The following PLCG2 variants were observed in gnomAD, a reference collection of about 807,000 sequenced individuals.
PLCG2 encodes the protein phospholipase C gamma 2.
A neutral mutation model predicts 175.6 loss-of-function variants in PLCG2; 69 were observed. That is an observed-to-expected ratio of 0.39 (90% confidence interval 0.32 to 0.48). The LOEUF is 0.48. Among genes scored for constraint, PLCG2 ranks in the 20% least tolerant of loss-of-function variants. PLCG2 has a pLI of 0.91. For missense variants in PLCG2, 1,798 were observed against 1,650.9 expected, an observed-to-expected ratio of 1.09 and a Z score of -1.54; for synonymous variants, 827 against 624.0, an observed-to-expected ratio of 1.33 and a Z score of -4.85.
At chr16:81,876,634 C>G (rs1243529618) in intron 7 of PLCG2, among the ~76,000 whole-genome samples, 4 of 152,202 alleles carry the variant, frequency 2.6e-5, no homozygotes, top group Admixed American at 6.5e-5. Context: ...TTTAGTCACT[C>G]ATCCAGTAAA....
chr16:81,940,297 T>C (rs1910887553), intron 30 of PLCG2, among the ~76,000 whole-genome samples: 2 of 152,126 alleles, frequency 1.3e-5, no homozygotes, highest in South Asian at 4.1e-4. Flanking sequence ...AAAACTGGAT[T>C]GTTAGTGGAT....
At position 81,961,132 on chromosome 16, in the gene PLCG2, G is replaced by GTTCCTC. The variant is rs1911763533; in HGVS notation, c.*3134_*3135insTTCCTC. ...TGCTTTCAACAAAGTGGGAGGAACAGCCTGTAGATTTCTGAGTCTCTTAGC... is the reference window on the plus strand; with the variant it reads ...TGCTTTCAACAAAGTGGGAGGAACAGTTCCTCCCTGTAGATTTCTGAGTCTCTTAGC... On this transcript the variant is annotated 3_prime_UTR_variant, in exon 33 of 33. Coordinates refer to ENST00000564138, the MANE Select transcript of PLCG2 (RefSeq NM_002661.5). 1.3e-5 allele frequency: 3 copies of GTTCCTC among 231,068 alleles called. No homozygotes were observed. Among genetic ancestry groups the GTTCCTC allele is most frequent in the African/African-American group, 6.6e-5 (3 of 45,270 alleles). 14.3% of individuals were successfully genotyped at this position (231,068 alleles called of 1,614,324 possible).
intron 10 of PLCG2, 87 bp from the exon 11 acceptor site, chr16:81,891,384 TC>T (rs1567518838): frequency 5.0e-6 from 4 of 793,144 alleles, no homozygotes; most frequent in South Asian, 1.4e-5. Context: ...GAGCTGTTCT[TC>T]CCCCCTGGTG....
At chr16:81,911,386 CTG>C (rs1266082776) in intron 18 of PLCG2, among the ~76,000 whole-genome samples, 2 of 152,164 alleles carry the variant, frequency 1.3e-5, no homozygotes, top group Non-Finnish European at 2.9e-5. Context: ...GTGGCAATAA[CTG>C]TGCCTCCCTG....
Position 81,870,925 on chromosome 16 carries a change from A to T in PLCG2, c.638A>T (p.Gln213Leu). 6 of 1,573,800 alleles carry T rather than the reference A, an allele frequency of 3.8e-6. No individual in the cohort carries two copies. The highest frequency in any genetic ancestry group is 5.2e-6 in the Non-Finnish European group (6 of 1,148,592). Residue 213 changes from glutamine to leucine, a missense_variant, in exon 7 of 33, where the codon CAG becomes CTG. Transcript: ENST00000564138. ...TTCTATAAAAAACTTATGTTTGAAC[A>T]GCAAAAATCGGTAAGATGATTCTTG... ...HLFYKKLMFE[Q>L]QKSILDEFKK...
chr16:81,823,093 G>A (rs1450319498), intron 2 of PLCG2, among the ~76,000 whole-genome samples: 1 of 152,268 alleles, frequency 6.6e-6, no homozygotes, highest in Non-Finnish European at 1.5e-5. Flanking sequence ...TTATAAAGCA[G>A]GCGAGGCCTA....
intron 7 of PLCG2, among the ~76,000 whole-genome samples, chr16:81,879,410 G>C (rs1240895768): frequency 6.6e-6 from 1 of 152,148 alleles, no homozygotes; most frequent in Non-Finnish European, 1.5e-5. Flanking sequence ...TGCCTAAAAA[G>C]GCTAAGTTTG....
At chr16:81,772,319 C>T (rs77373168) in intron 2 of PLCG2, among the ~76,000 whole-genome samples, 3,852 of 152,208 alleles carry the variant, frequency 0.025, 146 homozygotes, top group African/African-American at 0.088. Flanking sequence ...AGGCGTGGGG[C>T]AGATTCTCAC....
chr16:81,803,598 C>CCTTTT lies in PLCG2; in HGVS notation c.193+17433_193+17437dup, dbSNP rs760727597. On this transcript the variant is annotated intron_variant, in intron 2 of 32. Coordinates refer to ENST00000564138, the MANE Select transcript of PLCG2 (RefSeq NM_002661.5). ...TTTCCTTTCCTTTCTTTTCTTTTCT[C>CCTTTT]CTTTTCTTTTCTTTTCTTTTCCTTT... 7.3e-4 allele frequency among the ~76,000 whole-genome samples: 44 copies of CCTTTT among 60,148 alleles called. 2 individuals are homozygous for CCTTTT. The highest frequency in any genetic ancestry group is 0.013 in the Middle Eastern group (1 of 80). The allele number at this position is 60,148 out of a possible 152,430, so 39.5% of individuals were successfully genotyped here. A position where few individuals can be genotyped will look rare whatever the true frequency, so the allele number is the denominator to read the frequency against.
chr16:81,899,033 CA>C (rs1465706696), intron 13 of PLCG2, among the ~76,000 whole-genome samples: 1 of 151,796 alleles, frequency 6.6e-6, no homozygotes, highest in Non-Finnish European at 1.5e-5. Flanking sequence ...AGTAAAAATA[CA>C]AAAAATTAAC....
intron 25 of PLCG2, among the ~76,000 whole-genome samples, chr16:81,933,533 G>A (rs1158967153): frequency 6.6e-6 from 1 of 151,722 alleles, no homozygotes; most frequent in Non-Finnish European, 1.5e-5. Flanking sequence ...GGCTTGAGGG[G>A]TGACAGCTGC....
chr16:81,831,852 C>T (rs571009544), intron 2 of PLCG2, among the ~76,000 whole-genome samples: 80 of 152,340 alleles, frequency 5.3e-4, no homozygotes, highest in African/African-American at 1.8e-3. Flanking sequence ...CATCCCCCAA[C>T]TTTGGTTTGC....
chr16:81,761,664 A>G (rs1297846125), intron 2 of PLCG2, among the ~76,000 whole-genome samples: 1 of 152,160 alleles, frequency 6.6e-6, no homozygotes, highest in Non-Finnish European at 1.5e-5. Context: ...GAGTTAACAG[A>G]CATAAGGCTT....
intron 25 of PLCG2, among the ~76,000 whole-genome samples, chr16:81,933,271 C>T (rs1910578637): frequency 6.6e-6 from 1 of 152,148 alleles, no homozygotes; most frequent in African/African-American, 2.4e-5. Flanking sequence ...ACGGAGTTCC[C>T]ACACTGGGCA....
At chr16:81,893,928 G>C (rs1597113611) in intron 12 of PLCG2, 134 bp downstream of exon 12, 4 of 542,348 alleles carry the variant, frequency 7.4e-6, no homozygotes, top group Non-Finnish European at 1.3e-5. Flanking sequence ...TATGGAGTTA[G>C]AGTGTGATGT....
chr16:81,854,734 G>A, intron 3 of PLCG2, 147 bp downstream of exon 3: 1 of 731,140 alleles, frequency 1.4e-6, no homozygotes, highest in South Asian at 1.7e-5. Flanking sequence ...CCCCTTTCTA[G>A]CTGTGTGTCT....
chr16:81,741,662 G>A (rs145134016), intron 1 of PLCG2, among the ~76,000 whole-genome samples: 2 of 152,060 alleles, frequency 1.3e-5, no homozygotes, highest in Non-Finnish European at 2.9e-5. Flanking sequence ...ATACAAAAAT[G>A]AACTTGGTGT....
At chr16:81,777,628 A>T (rs1567457332), upstream of PLCG2, among the ~76,000 whole-genome samples, 1 of 143,998 alleles carries the variant, frequency 6.9e-6, no homozygotes, top group African/African-American at 2.6e-5. Flanking sequence ...GGGAGTGCTG[A>T]AAGAAATGAA....
intron 1 of PLCG2, chr16:81,755,814 CTG>C (rs1236354059): frequency 1.2e-4 from 19 of 152,462 alleles, no homozygotes; most frequent in African/African-American, 4.6e-4. Flanking sequence ...GTGTGAGCCA[CTG>C]CACCCAGCCT....
Sources: allele counts gnomAD v4.1 joint callset (sites outside exome capture counted in the v4.1 genomes callset), GRCh38; gene constraint gnomAD v4.1.1; transcripts MANE v1.5; gene names NCBI Gene and HGNC (gene_info 2026-07-23, HGNC 2026-07-21).